The following RBPJ variants were observed in gnomAD, a reference collection of about 807,000 sequenced individuals.
The protein encoded by RBPJ is recombination signal binding protein for immunoglobulin kappa J region.
In RBPJ, 9 loss-of-function variants were observed where a neutral mutation model predicts 67.8. The observed-to-expected ratio is 0.13, with a 90% CI of 0.08 to 0.23. The LOEUF (loss-of-function observed/expected upper bound fraction) is 0.23, where lower values mean the gene tolerates loss of function less well. Ranked by LOEUF, RBPJ falls within the 10% of genes least tolerant of loss-of-function variation. The pLI is 1.00. For missense variants in RBPJ, 305 were observed against 595.6 expected, an observed-to-expected ratio of 0.51 and a Z score of 5.08; for synonymous variants, 198 against 203.3, an observed-to-expected ratio of 0.97 and a Z score of 0.22.
intron 1 of RBPJ, among the ~76,000 whole-genome samples, chr4:26,244,378 C>T (rs192884031): frequency 8.2e-5 from 1 of 12,246 alleles, no homozygotes; most frequent in African/African-American, 3.6e-4. Context: ...TATGTGTACA[C>T]GTGTGTGTAT....
intron 1 of RBPJ, chr4:26,343,037 G>A (rs1560280213): frequency 1.3e-5 from 2 of 152,196 alleles, no homozygotes; most frequent in Non-Finnish European, 2.9e-5. Context: ...TAAGACAGCA[G>A]CTGTGGATGT....
At chr4:26,143,381 G>A in the RBPJ span, among the ~76,000 whole-genome samples, 4 of 152,116 alleles carry the variant, frequency 2.6e-5, no homozygotes, top group African/African-American at 4.8e-5. Flanking sequence ...CCCTCATCTC[G>A]CAAAGCGTAA....
At chr4:26,303,488 C>A (rs1203528532) in intron 1 of RBPJ, among the ~76,000 whole-genome samples, 1 of 148,924 alleles carries the variant, frequency 6.7e-6, no homozygotes, top group African/African-American at 2.5e-5. Context: ...GAAATATAAT[C>A]TTGAACTTAC....
At chr4:26,333,553 T>C (rs1724472748) in intron 1 of RBPJ, among the ~76,000 whole-genome samples, 1 of 152,304 alleles carries the variant, frequency 6.6e-6, no homozygotes, top group Non-Finnish European at 1.5e-5. Context: ...GTTTTTTAAA[T>C]TAAAAAAAAT....
intron 1 of RBPJ, among the ~76,000 whole-genome samples, chr4:26,327,193 C>T (rs1421307376): frequency 6.6e-6 from 1 of 151,994 alleles, no homozygotes; most frequent in Non-Finnish European, 1.5e-5. Context: ...TAAATGATAC[C>T]CTAATGGTCT....
rs183560617 is a variant in RBPJ, at chr4:26,169,035, A to G, written c.-167+5421A>G. On this transcript the variant is annotated intron_variant, in intron 1 of 4. Coordinates refer to the RBPJ transcript ENST00000512351. ...GTTTGAATTTCCTCCTGTAGCTCGG[A>G]GTAGTTTGATCGTCTGAAGCTTTCT... Among the ~76,000 whole-genome samples the G allele has an allele frequency of 7.2e-5, 11 of 152,306 alleles. No individual in the cohort carries two copies. The East Asian group carries it at 2.1e-3, about 29-fold the overall frequency.
intron 1 of RBPJ, among the ~76,000 whole-genome samples, chr4:26,249,510 A>C (rs1420062805): frequency 1.3e-5 from 2 of 151,810 alleles, no homozygotes; most frequent in Non-Finnish European, 2.9e-5. Flanking sequence ...AAATGCAAAA[A>C]ATTAGCCGGG....
chr4:26,400,674 T>G (rs1298378537), intron 2 of RBPJ, among the ~76,000 whole-genome samples: 3 of 152,256 alleles, frequency 2.0e-5, no homozygotes, highest in Non-Finnish European at 2.9e-5. Context: ...AGAAGCTATT[T>G]GGCAAATTAC....
chr4:26,123,927 CT>C, the RBPJ span, among the ~76,000 whole-genome samples: 1 of 151,894 alleles, frequency 6.6e-6, no homozygotes, highest in East Asian at 1.9e-4. Context: ...TTACAGTTAA[CT>C]TTTTTTTAAA....
intron 2 of RBPJ, among the ~76,000 whole-genome samples, chr4:26,397,882 G>A (rs564618847): frequency 2.0e-5 from 3 of 151,964 alleles, no homozygotes; most frequent in Admixed American, 2.0e-4. Context: ...ATCCGCCTGC[G>A]TCGGCCTCCC....
the RBPJ span, among the ~76,000 whole-genome samples, chr4:26,111,700 T>G: frequency 6.6e-6 from 1 of 152,336 alleles, no homozygotes; most frequent in East Asian, 1.9e-4. Context: ...TTGAAGTGTG[T>G]GTGCAGGTGA....
intron 1 of RBPJ, among the ~76,000 whole-genome samples, chr4:26,184,222 C>T (rs1717138617): frequency 6.6e-6 from 1 of 150,998 alleles, no homozygotes. Flanking sequence ...TATCCAAACA[C>T]TTGTTAAAGA....
chr4:26,333,001 A>G (rs1453951003), intron 1 of RBPJ, among the ~76,000 whole-genome samples: 1 of 152,216 alleles, frequency 6.6e-6, no homozygotes, highest in African/African-American at 2.4e-5. Flanking sequence ...GTCTTATACC[A>G]GGAAATAATC....
In RBPJ at chr4:26,392,389, A is replaced by G. The variant is rs534499578; in HGVS notation, c.59+5998A>G. 8.5e-5 allele frequency among the ~76,000 whole-genome samples: 13 copies of G among 152,360 alleles called. 1 individual carries two copies. In the South Asian group the frequency reaches 2.7e-3, roughly 32 times the overall value. On this transcript the variant is annotated intron_variant, in intron 2 of 10. Coordinates refer to ENST00000355476, the MANE Select transcript of RBPJ (RefSeq NM_015874.6). ...AAATGTTCATGTTAGCTTTAGTTGT[A>G]GTAGTCACACATACATAACCCCAAT...
intron 1 of RBPJ, among the ~76,000 whole-genome samples, chr4:26,186,709 T>C (rs551898077): frequency 6.6e-6 from 1 of 152,308 alleles, no homozygotes; most frequent in African/African-American, 2.4e-5. Flanking sequence ...TAGTATTCGC[T>C]AAAAAACAAG....
In RBPJ at chr4:26,270,355, G is replaced by GAGAAAGAAAGAA. The variant is rs1179109682; in HGVS notation, c.-166-92018_-166-92007dup. Among the ~76,000 whole-genome samples the GAGAAAGAAAGAA allele has an allele frequency of 7.6e-3, 398 of 52,056 alleles. 22 individuals carry two copies. The highest frequency in any genetic ancestry group is 8.8e-3 in the African/African-American group (95 of 10,768). The allele number at this position is 52,056 out of a possible 152,430, so 34.2% of individuals were successfully genotyped here. Reference sequence around the variant, plus strand: ...GGGAGGGGAGGGAGGGAGAGAGCAAGAGAAAGAAAGAAAGAAAGAAAGAAA... The same window carrying GAGAAAGAAAGAA: ...GGGAGGGGAGGGAGGGAGAGAGCAAGAGAAAGAAAGAAAGAAAGAAAGAAAGAAAGAAAGAAA... On this transcript the variant is annotated intron_variant, in intron 1 of 4. Coordinates refer to the RBPJ transcript ENST00000512351.
intron 1 of RBPJ, among the ~76,000 whole-genome samples, chr4:26,327,862 C>T (rs1045196122): frequency 3.3e-5 from 5 of 151,938 alleles, no homozygotes; most frequent in African/African-American, 1.2e-4. Context: ...AAGTTTTTCA[C>T]TCTATAAAAC....
At chr4:26,269,239 A>ATTAT (rs372091669) in intron 1 of RBPJ, among the ~76,000 whole-genome samples, 2,825 of 148,956 alleles carry the variant, frequency 0.019, 31 homozygotes, top group African/African-American at 0.021. Flanking sequence ...TTTATTTTTT[A>ATTAT]TTATTTATTT....
chr4:26,280,869 T>C (rs1560242190), intron 1 of RBPJ, among the ~76,000 whole-genome samples: 1 of 152,188 alleles, frequency 6.6e-6, no homozygotes, highest in African/African-American at 2.4e-5. Context: ...GTTTGTTTAC[T>C]TGAAGAATAT....
Sources: allele counts gnomAD v4.1 joint callset (sites outside exome capture counted in the v4.1 genomes callset), GRCh38; gene constraint gnomAD v4.1.1; transcripts MANE v1.5; gene names NCBI Gene and HGNC (gene_info 2026-07-23, HGNC 2026-07-21).